Variants in COL18A1 observed in about 807,000 individuals in gnomAD.
COL18A1 encodes the protein collagen type XVIII alpha 1 chain.
A neutral mutation model predicts 168.0 loss-of-function variants in COL18A1; 133 were observed. The ratio of observed to expected loss-of-function variants is 0.79; its 90% CI spans 0.69 to 0.91. The LOEUF is 0.91. COL18A1 is among the 40% of genes least tolerant of loss of function. The probability of loss-of-function intolerance (pLI) is 0.00; values close to 1 mark genes in which losing one functional copy is unlikely to be tolerated. For missense variants in COL18A1, 2,126 were observed against 1,925.4 expected (o/e 1.10, Z -1.95); for synonymous variants, 949 against 809.0 (o/e 1.17, Z -2.94).
intron 2 of COL18A1, among the ~76,000 whole-genome samples, chr21:45,448,957 G>T (rs1353196720): frequency 6.6e-6 from 1 of 152,218 alleles, no homozygotes; most frequent in Non-Finnish European, 1.5e-5. Flanking sequence ...CCACCTGCCT[G>T]CTCGTGTTTA....
chr21:45,422,185 C>T (rs1200770031), intron 2 of COL18A1, among the ~76,000 whole-genome samples: 5 of 152,136 alleles, frequency 3.3e-5, no homozygotes, highest in African/African-American at 1.2e-4. Context: ...CACACACACA[C>T]ATGCAGGCAC....
At chr21:45,491,134 C>A in intron 21 of COL18A1, 91 bp from the exon 22 acceptor site, 1 of 1,194,772 alleles carries the variant, frequency 8.4e-7, no homozygotes, top group Non-Finnish European at 1.2e-6. Context: ...CCACCGTGGG[C>A]TCTGGGCACC....
chr21:45,468,828 GGA>G, intron 3 of COL18A1, 42 bp downstream of exon 3: 2 of 1,483,966 alleles, frequency 1.3e-6, no homozygotes, highest in Non-Finnish European at 1.8e-6. Context: ...GGAGCAGCTG[GGA>G]TGGGGTGGGG....
At chr21:45,507,997 G>C (rs763370278) in intron 38 of COL18A1, among the ~76,000 whole-genome samples, 10 of 151,070 alleles carry the variant, frequency 6.6e-5, no homozygotes, top group Non-Finnish European at 8.8e-5. Context: ...CAATGGGGAG[G>C]TGGATGGATG....
At position 45,481,987 on chromosome 21, in the gene COL18A1, G is replaced by C. The variant is rs2035914528; in HGVS notation, c.1636G>C (p.Glu546Gln). 1.2e-6 allele frequency: 2 copies of C among 1,613,528 alleles called. No homozygotes were observed. The change falls in exon 14 of 42, where the codon GAG becomes CAG. Residue 546 changes from glutamate (E) to glutamine (Q), a missense_variant. By Grantham distance (29) the Glu-to-Gln change is conservative. Coordinates refer to ENST00000651438, the MANE Select transcript of COL18A1 (RefSeq NM_001379500.1). ...GGGACCCCCAGGCCCTCCGGGAAGA[G>C]AGGGGCCCCCAGGAAGGACTGGGCA... is the stretch of plus-strand genomic sequence containing the variant. The part of the protein sequence containing the change: ...LPGPPGPPGR[E>Q]GPPGRTGQKG...
rs2036518676 is a variant in COL18A1, at chr21:45,495,831, A to G, written c.2508+399A>G. ...TACGAGCCTGTCCACGTGCACACCC[A>G]TACAGGTATATACATACACTCATAC... is the stretch of plus-strand genomic sequence containing the variant. On this transcript the variant is annotated intron_variant, in intron 29 of 41. Transcript: ENST00000651438. 10 of 330,934 alleles carry G rather than the reference A, an allele frequency of 3.0e-5. No individual in the cohort carries two copies. In the Admixed American group the frequency reaches 3.7e-4, roughly 12 times the overall value. 20.5% of individuals were successfully genotyped at this position (330,934 alleles called of 1,614,324 possible). A position where few individuals can be genotyped will look rare whatever the true frequency, so the allele number is the denominator to read the frequency against.
chr21:45,459,230 C>T (rs1461035460), intron 2 of COL18A1, among the ~76,000 whole-genome samples: 1 of 152,202 alleles, frequency 6.6e-6, no homozygotes, highest in East Asian at 1.9e-4. Context: ...CTTGGGTTAG[C>T]CCCAACTCCT....
chr21:45,468,612 C>T lies in COL18A1; in HGVS notation c.477C>T (p.Val159=), dbSNP rs745792462. 9 of 1,613,824 alleles carry T rather than the reference C, an allele frequency of 5.6e-6. No individual in the cohort carries two copies. Among genetic ancestry groups the T allele is most frequent in the Middle Eastern group, 1.6e-4 (1 of 6,084 alleles). ...TAASFRLPAF[V]GQWTHLALSV... ...CCAGCTTCCGGCTCCCCGCCTTCGT[C>T]GGCCAGTGGACACACTTAGCCCTCA... is the stretch of plus-strand genomic sequence containing the variant. Residue 159 remains valine (V), a synonymous_variant, in exon 3 of 42, where the codon GTC becomes GTT. Transcript: ENST00000651438.
At chr21:45,437,956 ACT>A (rs1312708770) in intron 2 of COL18A1, among the ~76,000 whole-genome samples, 8 of 71,980 alleles carry the variant, frequency 1.1e-4, no homozygotes, top group African/African-American at 6.8e-4. Flanking sequence ...ACACACAGGC[ACT>A]CTCCTGCACA....
rs1432439863 is a variant in COL18A1 at position 45,494,953 on chromosome 21, G to T, written c.2433+38G>T. On this transcript the variant is annotated intron_variant, in intron 28 of 41. Transcript: ENST00000651438. Reference sequence around the variant, plus strand: ...GGTCTCCAGTGGGGGCGGCAGATGGGGTCTGGCAGGTGGGGAGCAGCCCAG... The same window carrying T: ...GGTCTCCAGTGGGGGCGGCAGATGGTGTCTGGCAGGTGGGGAGCAGCCCAG... 4 of 1,580,828 alleles carry T rather than the reference G, an allele frequency of 2.5e-6. No individual in the cohort carries two copies. In the African/African-American group the frequency reaches 4.0e-5, roughly 16 times the overall value.
At chr21:45,488,857 TC>T (rs974746726) in intron 18 of COL18A1, among the ~76,000 whole-genome samples, 164 of 151,906 alleles carry the variant, frequency 1.1e-3, no homozygotes, top group Non-Finnish European at 1.8e-3. Context: ...TGTCCTCTGC[TC>T]CCCCCATCCC....
intron 2 of COL18A1, among the ~76,000 whole-genome samples, chr21:45,415,684 G>A (rs550415553): frequency 2.6e-5 from 4 of 152,316 alleles, no homozygotes; most frequent in South Asian, 4.1e-4. Context: ...TGGGGTTCAC[G>A]CCTTGCCTGG....
chr21:45,496,651 C>T (rs1487474865), intron 30 of COL18A1, 83 bp downstream of exon 30: 2 of 794,306 alleles, frequency 2.5e-6, no homozygotes, highest in African/African-American at 3.4e-5. Flanking sequence ...CCTTCTTCTC[C>T]CCTGGCCTCT....
rs935853173 is a variant in COL18A1, at chr21:45,468,834, G to C, written c.651+48G>C. 5 of 1,460,782 alleles carry C rather than the reference G, an allele frequency of 3.4e-6. No individual in the cohort carries two copies. In the African/African-American group the frequency reaches 7.0e-5, roughly 20 times the overall value. 90.5% of individuals were successfully genotyped at this position (1,460,782 alleles called of 1,614,324 possible). ...TGGGGGACTGGAGCAGCTGGGATGG[G>C]GTGGGGTGGGGGTGGCCACTGGGAC... On this transcript the variant is annotated intron_variant, in intron 3 of 41. Coordinates refer to ENST00000651438, the MANE Select transcript of COL18A1 (RefSeq NM_001379500.1).
intron 5 of COL18A1, among the ~76,000 whole-genome samples, 176 bp from the exon 6 acceptor site, chr21:45,476,175 A>G (rs1377054915): frequency 6.6e-5 from 10 of 152,100 alleles, no homozygotes. Context: ...AGGCGGCCAC[A>G]CCCCTGCGGC....
Position 45,452,825 on chromosome 21 carries a change from TG to T in COL18A1, c.107-15416del, listed in dbSNP as rs558320990. Among the ~76,000 whole-genome samples the T allele has an allele frequency of 2.8e-3, 428 of 150,466 alleles. 2 individuals carry two copies. Among genetic ancestry groups the T allele is most frequent in the Non-Finnish European group, 3.9e-3 (263 of 67,824 alleles). ...ATGTGATTGTGTATGCATGTGAGCA[TG>T]TATGACATGTGTAAACATGTATGTA... On this transcript the variant is annotated intron_variant, in intron 2 of 41. Transcript: ENST00000651438.
rs529655421 is a variant in COL18A1, at chr21:45,428,235, CA to C, written c.106+22765del. On this transcript the variant is annotated intron_variant, in intron 2 of 41. Transcript: ENST00000651438. The stretch of plus-strand genomic sequence containing the variant: ...GTGTGGTGAGGGTGGCCTCGGGCCT[CA>C]AAGACGCAGCGCTGTGGGAACCGGG... Among the ~76,000 whole-genome samples the C allele has an allele frequency of 7.9e-5, 12 of 152,244 alleles. No homozygotes were observed. In the South Asian group the frequency reaches 2.5e-3, roughly 32 times the overall value.
At chr21:45,492,815 C>CCCA in intron 24 of COL18A1, 102 bp downstream of exon 24, 3 of 917,882 alleles carry the variant, frequency 3.3e-6, no homozygotes, top group Non-Finnish European at 5.3e-6. Context: ...CCTTGTCAGG[C>CCCA]CCGAGGGATA....
intron 2 of COL18A1, among the ~76,000 whole-genome samples, chr21:45,454,598 C>A (rs1259963018): frequency 6.6e-6 from 1 of 152,234 alleles, no homozygotes; most frequent in Non-Finnish European, 1.5e-5. Flanking sequence ...GCGGGGTCAC[C>A]AGGCTCATGC....
Sources: allele counts gnomAD v4.1 joint callset (sites outside exome capture counted in the v4.1 genomes callset), GRCh38; gene constraint gnomAD v4.1.1; transcripts MANE v1.5; gene names NCBI Gene and HGNC (gene_info 2026-07-23, HGNC 2026-07-21).